The following FAM20C variants were observed in gnomAD, a reference collection of about 807,000 sequenced individuals.
FAM20C encodes the protein extracellular serine/threonine protein kinase FAM20C.
FAM20C carries 40 observed loss-of-function variants against 51.5 expected under a neutral mutation model. The observed-to-expected ratio is 0.78, with a 90% CI of 0.60 to 1.01. The LOEUF (loss-of-function observed/expected upper bound fraction) is 1.01, where lower values mean the gene tolerates loss of function less well. FAM20C is among the 50% of genes least tolerant of loss of function. FAM20C has a pLI of 0.00. For synonymous variants in FAM20C, 406 were observed against 380.6 expected, an observed-to-expected ratio of 1.07 and a Z score of -0.78; for missense variants, 861 against 844.7, an observed-to-expected ratio of 1.02 and a Z score of -0.24.
rs541977874 is a variant in FAM20C at position 255,844 on chromosome 7, C to T, written c.1073-5C>T. ...CCTGGTAACCCGCAGCCTGTCCCTC[C>T]CCAGCCAACAACATCTGCTTCTACG... On this transcript the variant is annotated splice_region_variant and splice_polypyrimidine_tract_variant and intron_variant, in intron 5 of 9. Coordinates refer to ENST00000313766, the MANE Select transcript of FAM20C (RefSeq NM_020223.4). 10 of 1,536,294 alleles carry T rather than the reference C, an allele frequency of 6.5e-6. No individual in the cohort carries two copies. Among genetic ancestry groups the T allele is most frequent in the Middle Eastern group, 3.3e-4 (2 of 5,990 alleles).
At chr7:213,488 G>A (rs992334314) in intron 3 of FAM20C, among the ~76,000 whole-genome samples, 3 of 152,232 alleles carry the variant, frequency 2.0e-5, no homozygotes, top group African/African-American at 4.8e-5. Flanking sequence ...AACGCTCATC[G>A]GTGCTGCAGC....
intron 5 of FAM20C, among the ~76,000 whole-genome samples, chr7:254,942 T>A (rs1788533238): frequency 6.6e-6 from 1 of 152,246 alleles, no homozygotes; most frequent in South Asian, 2.1e-4. Flanking sequence ...TCATTTCGTT[T>A]CGTGTCATCG....
At chr7:228,829 G>T (rs1481788104) in intron 3 of FAM20C, 1 of 456,194 alleles carries the variant, frequency 2.2e-6, no homozygotes, top group East Asian at 7.0e-5. Flanking sequence ...CCTCCTCAAC[G>T]TGTTTGTAGT....
chr7:251,990 C>T (rs933934615), intron 5 of FAM20C, among the ~76,000 whole-genome samples: 12 of 152,334 alleles, frequency 7.9e-5, no homozygotes, highest in East Asian at 7.7e-4. Flanking sequence ...CCTGTCAGTC[C>T]GATTTCTTCC....
At chr7:216,649 G>T (rs1332232670) in intron 3 of FAM20C, among the ~76,000 whole-genome samples, 1 of 144,292 alleles carries the variant, frequency 6.9e-6, no homozygotes, top group Non-Finnish European at 1.5e-5. Flanking sequence ...GTGAGTGTGT[G>T]TGAGTGTGTG....
At chr7:205,236 G>A in intron 2 of FAM20C, among the ~76,000 whole-genome samples, 1 of 150,374 alleles carries the variant, frequency 6.7e-6, no homozygotes, top group South Asian at 2.1e-4. Context: ...CCGAGTAGCT[G>A]GGACCACAGA....
At chr7:236,696 T>C (rs1289705626) in intron 3 of FAM20C, among the ~76,000 whole-genome samples, 1 of 151,362 alleles carries the variant, frequency 6.6e-6, no homozygotes, top group African/African-American at 2.4e-5. Context: ...TGGTTGATGG[T>C]CGGGGTTTCA....
At chr7:237,188 G>C (rs1168806222) in intron 3 of FAM20C, among the ~76,000 whole-genome samples, 1 of 152,226 alleles carries the variant, frequency 6.6e-6, no homozygotes, top group East Asian at 1.9e-4. Context: ...GCAGGGATCA[G>C]GAACTGTGCT....
intron 2 of FAM20C, among the ~76,000 whole-genome samples, chr7:196,788 T>TGA (rs1785893953): frequency 6.6e-6 from 1 of 152,184 alleles, no homozygotes; most frequent in African/African-American, 2.4e-5. Context: ...TGCCGGGTGC[T>TGA]GAGTTGTTTG....
At chr7:257,669 GCCCAGGACCCTTC>G in intron 8 of FAM20C, among the ~76,000 whole-genome samples, 1 of 152,294 alleles carries the variant, frequency 6.6e-6, no homozygotes, top group African/African-American at 2.4e-5. Context: ...CAACTCGGCT[GCCCAGGACCCTTC>G]CCCAGGCCAG....
At chr7:242,188 G>A (rs998859040) in intron 3 of FAM20C, among the ~76,000 whole-genome samples, 2 of 152,182 alleles carry the variant, frequency 1.3e-5, no homozygotes, top group East Asian at 3.9e-4. Flanking sequence ...CCCTGTGTGT[G>A]CCCGTCCCGC....
intron 3 of FAM20C, among the ~76,000 whole-genome samples, chr7:231,338 C>T (rs931205253): frequency 6.6e-6 from 1 of 151,518 alleles, no homozygotes; most frequent in African/African-American, 2.4e-5. Context: ...GAATGACACG[C>T]ATCAGTGGGG....
Position 259,814 on chromosome 7 carries a change from G to T in FAM20C, c.1589G>T (p.Arg530Leu), listed in dbSNP as rs747389881. Residue 530 changes from arginine to leucine, a missense_variant, in exon 10 of 10, where the codon CGG (arginine) becomes CTG (leucine). By Grantham distance (102) the Arg-to-Leu change is moderately radical. This residue lies in a region of FAM20C where 269 missense variants were observed against 283.8 expected (regional missense o/e 0.95). Coordinates refer to ENST00000313766, the MANE Select transcript of FAM20C (RefSeq NM_020223.4). ...AGCCTGCTGATGGCCGAGTCTCTGC[G>T]GGGGGACCAGGTGGCACCCGTGCTG... ...KLSLLMAESL[R>L]GDQVAPVLYQ... 6 of 1,536,342 alleles carry T rather than the reference G, an allele frequency of 3.9e-6. No individual in the cohort carries two copies. The highest frequency in any genetic ancestry group is 2.7e-5 in the African/African-American group (2 of 73,044).
intron 2 of FAM20C, among the ~76,000 whole-genome samples, chr7:207,754 T>G (rs530289767): frequency 2.6e-5 from 4 of 152,232 alleles, no homozygotes; most frequent in Middle Eastern, 3.4e-3. Context: ...CCACAGCGCG[T>G]GACAATCTCC....
intron 3 of FAM20C, among the ~76,000 whole-genome samples, chr7:210,268 G>A (rs1014148003): frequency 2.0e-5 from 3 of 152,142 alleles, no homozygotes; most frequent in Non-Finnish European, 2.9e-5. Context: ...GTTTCTGTGC[G>A]TGGATGTGAA....
intron 3 of FAM20C, among the ~76,000 whole-genome samples, chr7:226,222 C>T (rs895894039): frequency 3.3e-5 from 5 of 152,248 alleles, no homozygotes; most frequent in East Asian, 3.9e-4. Context: ...TTGGTGTCCA[C>T]GCACCCCATG....
chr7:213,230 A>T (rs1451080670), intron 3 of FAM20C, among the ~76,000 whole-genome samples: 22 of 149,526 alleles, frequency 1.5e-4, no homozygotes, highest in Admixed American at 1.5e-3. Context: ...TGTGAGTGAC[A>T]TGGAGGGCTG....
At chr7:203,860 A>C (rs1443048262) in intron 2 of FAM20C, among the ~76,000 whole-genome samples, 1 of 152,168 alleles carries the variant, frequency 6.6e-6, no homozygotes, top group East Asian at 1.9e-4. Context: ...GAGCTGTCGC[A>C]CCTGAGCCAG....
At chr7:229,242 C>G (rs1453249014) in intron 3 of FAM20C, 1 of 237,306 alleles carries the variant, frequency 4.2e-6, no homozygotes, top group Non-Finnish European at 8.4e-6. Context: ...TGAGGCAGCC[C>G]CCTTTTCTGT....
Sources: allele counts gnomAD v4.1 joint callset (sites outside exome capture counted in the v4.1 genomes callset), GRCh38; gene constraint gnomAD v4.1.1; regional missense constraint gnomAD v4.1.1; transcripts MANE v1.5; gene names NCBI Gene and HGNC (gene_info 2026-07-23, HGNC 2026-07-21).